PNISR: variants seen among roughly 807,000 people sequenced by gnomAD.
PNISR encodes PNN interacting serine and arginine rich protein, also known as arginine/serine-rich protein PNISR.
Under a neutral mutation model 93.4 loss-of-function variants are expected in PNISR, and 20 were observed. That is an observed-to-expected ratio of 0.21 (90% CI 0.15 to 0.31). PNISR has a LOEUF of 0.31. Ranked by LOEUF, PNISR falls within the 10% of genes least tolerant of loss-of-function variation. The probability of loss-of-function intolerance (pLI) is 1.00; values close to 1 mark genes in which losing one functional copy is unlikely to be tolerated. For missense variants in PNISR, 893 were observed against 985.4 expected, an observed-to-expected ratio of 0.91 and a Z score of 1.25; for synonymous variants, 305 against 306.5, an observed-to-expected ratio of 0.99 and a Z score of 0.05.
intron 5 of PNISR, 102 bp from the exon 6 acceptor site, chr6:99,409,446 G>T: frequency 2.1e-6 from 2 of 962,194 alleles, no homozygotes; most frequent in Non-Finnish European, 3.1e-6. Context: ...CATGTGTGCA[G>T]CACATCCAAG....
Position 99,401,623 on chromosome 6 carries a change from CT to C in PNISR, c.1334del (p.Lys445SerfsTer11). 6.5e-7 allele frequency: 1 copy of C among 1,529,418 alleles called. No individual in the cohort carries two copies. 94.7% of individuals were successfully genotyped at this position (1,529,418 alleles called of 1,614,324 possible). On this transcript the variant is annotated frameshift_variant, in exon 12 of 12. Coordinates refer to ENST00000369239, the MANE Select transcript of PNISR (RefSeq NM_032870.4). LOFTEE classifies it high-confidence loss of function. ...LLHDKQMEEE[K>X]QQTERVTKEM... ...CTTTTGTAACCCTTTCTGTTTGCTG[CT>C]TTTCTTCTGAAACAGAAAAAGACAA...
chr6:99,407,131 G>A (rs1271171715), intron 7 of PNISR, among the ~76,000 whole-genome samples: 1 of 152,024 alleles, frequency 6.6e-6, no homozygotes, highest in African/African-American at 2.4e-5. Flanking sequence ...ACCAGCCTGG[G>A]CAACACGGTG....
At chr6:99,402,940 A>C in intron 10 of PNISR, 1 of 359,762 alleles carries the variant, frequency 2.8e-6, no homozygotes, top group Non-Finnish European at 5.0e-6. Flanking sequence ...TATTTTTCTC[A>C]CTGTAAAGGA....
At chr6:99,414,538 A>AC (rs761696902) in intron 3 of PNISR, 34 bp downstream of exon 3, 1 of 1,134,198 alleles carries the variant, frequency 8.8e-7, no homozygotes, top group South Asian at 1.2e-5. Context: ...CACATATCCA[A>AC]CCCCGCCCTT....
At position 99,409,219 on chromosome 6, in the gene PNISR, C is replaced by T. The variant is rs1242368264; in HGVS notation, c.627G>A (p.Gln209=). ...RERPSSFRDR[Q]RSPIALPVKQ... ...TCACAGGAAGTGCAATAGGTGAACG[C>T]TGACGATCCCTGAATGATGATGGCC... Residue 209 remains glutamine, a synonymous_variant, in exon 6 of 12, where the codon CAG becomes CAA. Transcript: ENST00000369239. 1.9e-6 allele frequency: 3 copies of T among 1,613,882 alleles called. No homozygotes were observed. In the South Asian group the frequency reaches 3.3e-5, roughly 18 times the overall value.
At chr6:99,407,320 C>A in intron 7 of PNISR, among the ~76,000 whole-genome samples, 1 of 144,774 alleles carries the variant, frequency 6.9e-6, no homozygotes. Context: ...ACCCTGATCC[C>A]CCAACTGCCT....
intron 6 of PNISR, among the ~76,000 whole-genome samples, 159 bp downstream of exon 6, chr6:99,409,014 A>G (rs1054078742): frequency 1.3e-5 from 2 of 152,244 alleles, no homozygotes; most frequent in African/African-American, 4.8e-5. Flanking sequence ...TCAGACCAGT[A>G]TCATTTTTGT....
At chr6:99,413,337 T>G (rs12197888) in intron 3 of PNISR, among the ~76,000 whole-genome samples, 1 of 152,138 alleles carries the variant, frequency 6.6e-6, no homozygotes. Flanking sequence ...CCCCACTATC[T>G]TGAAGACTCT....
In PNISR at chr6:99,410,907, G is replaced by C. The variant is rs1406754666; in HGVS notation, c.335C>G (p.Pro112Arg). Residue 112 changes from proline (P) to arginine (R), a missense_variant, in exon 5 of 12, where the codon CCA (proline) becomes CGA (arginine). By Grantham distance (103) the Pro-to-Arg change is moderately radical. Coordinates refer to ENST00000369239, the MANE Select transcript of PNISR (RefSeq NM_032870.4). ...HPPPDQPWMPPTPGPMDIVPP... is the reference protein window; with the variant it reads ...HPPPDQPWMPRTPGPMDIVPP... ...AACAATGTCCATTGGGCCTGGTGTTGGTGGCATCCATGGCTGATCTGGAGG... is the reference window on the plus strand; with the variant it reads ...AACAATGTCCATTGGGCCTGGTGTTCGTGGCATCCATGGCTGATCTGGAGG... The C allele has an allele frequency of 6.2e-7, 1 of 1,614,080 alleles. No individual in the cohort carries two copies. The highest frequency in any genetic ancestry group is 1.7e-5 in the Admixed American group (1 of 60,008).
chr6:99,412,255 C>G (rs1264240135), intron 4 of PNISR: 1 of 540,984 alleles, frequency 1.8e-6, no homozygotes, highest in African/African-American at 1.9e-5. Flanking sequence ...AATAGAGAGA[C>G]AAAGAATGCT....
chr6:99,407,310 AC>A lies in PNISR; in HGVS notation c.864+770del, dbSNP rs564496864. Among the ~76,000 whole-genome samples, 254 of 144,452 alleles carry A rather than the reference AC, an allele frequency of 1.8e-3. 1 individual carries two copies. Among genetic ancestry groups the A allele is most frequent in the African/African-American group, 6.4e-3 (245 of 38,190 alleles). The allele number at this position is 144,452 out of a possible 152,430, so 94.8% of individuals were successfully genotyped here. ...ACTCCAGCCTGGGCAACAGAGTGAG[AC>A]CCTGATCCCCCAACTGCCTAAAAAG... On this transcript the variant is annotated intron_variant, in intron 7 of 11. Transcript: ENST00000369239.
At position 99,400,477 on chromosome 6, in the gene PNISR, T is replaced by C; in HGVS notation, c.*63A>G. On this transcript the variant is annotated 3_prime_UTR_variant, in exon 12 of 12. Transcript: ENST00000369239. ...TTAAAGAGAGAGAGAAAGGACACTTTCAACTTTGAATAAATTCAGTCAATT... is the reference window on the plus strand; with the variant it reads ...TTAAAGAGAGAGAGAAAGGACACTTCCAACTTTGAATAAATTCAGTCAATT... 1 of 1,546,408 alleles carries C rather than the reference T, an allele frequency of 6.5e-7. No homozygotes were observed. Among genetic ancestry groups the C allele is most frequent in the Non-Finnish European group, 8.7e-7 (1 of 1,151,454 alleles).
At chr6:99,420,084 C>T (rs1273195119) in intron 1 of PNISR, among the ~76,000 whole-genome samples, 2 of 152,272 alleles carry the variant, frequency 1.3e-5, no homozygotes, top group South Asian at 2.1e-4. Flanking sequence ...AGGGTTTCAC[C>T]CTGTTAGCCA....
intron 6 of PNISR, among the ~76,000 whole-genome samples, chr6:99,408,576 AG>A (rs1254813825): frequency 3.3e-5 from 5 of 152,212 alleles, no homozygotes; most frequent in African/African-American, 1.2e-4. Flanking sequence ...AAGTTAAAAA[AG>A]GAGTAAAGTT....
At chr6:99,408,052 T>G (rs1426199604) in intron 7 of PNISR, 29 bp downstream of exon 7, 1 of 1,506,692 alleles carries the variant, frequency 6.6e-7, no homozygotes, top group African/African-American at 1.4e-5. Context: ...GATTTTCACA[T>G]GGAGTTTCAT....
At chr6:99,411,404 C>A (rs113415671) in intron 4 of PNISR, among the ~76,000 whole-genome samples, 3 of 152,158 alleles carry the variant, frequency 2.0e-5, no homozygotes, top group African/African-American at 7.2e-5. Flanking sequence ...AATCGAGGCA[C>A]ACAGAGGTAA....
intron 1 of PNISR, among the ~76,000 whole-genome samples, chr6:99,423,447 C>T (rs1375317631): frequency 6.6e-6 from 1 of 152,112 alleles, no homozygotes; most frequent in Non-Finnish European, 1.5e-5. Flanking sequence ...AAGTGACTTC[C>T]TTCCAAAGAG....
chr6:99,402,305 TTTTCA>T (rs1455887416), intron 11 of PNISR, among the ~76,000 whole-genome samples: 4 of 152,314 alleles, frequency 2.6e-5, no homozygotes, highest in African/African-American at 9.6e-5. Context: ...AAAGTCATCT[TTTTCA>T]TTTCAAGACT....
chr6:99,411,127 G>A, intron 4 of PNISR, 163 bp from the exon 5 acceptor site: 1 of 603,612 alleles, frequency 1.7e-6, no homozygotes, highest in South Asian at 2.1e-5. Context: ...AATAAGCAAT[G>A]AACTAAACTG....
Sources: gnomAD v4.1 joint callset for allele counts (sites outside exome capture counted in the v4.1 genomes callset) on GRCh38, gnomAD v4.1.1 for gene constraint, MANE v1.5 for transcripts, NCBI Gene and HGNC (gene_info 2026-07-23, HGNC 2026-07-21) for gene names.